Variants in PBRM1 observed in about 807,000 individuals in gnomAD.
The protein encoded by PBRM1 is polybromo 1.
Under a neutral mutation model 194.5 loss-of-function variants are expected in PBRM1, and 27 were observed. The ratio of observed to expected loss-of-function variants is 0.14; its 90% CI spans 0.10 to 0.19. The LOEUF (loss-of-function observed/expected upper bound fraction) is 0.19, where lower values mean the gene tolerates loss of function less well. PBRM1 is among the 10% of genes least tolerant of loss of function. PBRM1 has a pLI of 1.00. For missense variants in PBRM1, 1,466 were observed against 2,077.2 expected, an observed-to-expected ratio of 0.71 and a Z score of 5.72; for synonymous variants, 655 against 693.2, an observed-to-expected ratio of 0.94 and a Z score of 0.87.
At chr3:52,595,451 T>C (rs182334462) in intron 17 of PBRM1, among the ~76,000 whole-genome samples, 19 of 152,362 alleles carry the variant, frequency 1.2e-4, no homozygotes, top group Non-Finnish European at 2.4e-4. Context: ...CACCTTTTCA[T>C]ATACCTGTCT....
chr3:52,550,705 C>T (rs537376920), intron 28 of PBRM1, 42 bp downstream of exon 30: 45 of 1,586,982 alleles, frequency 2.8e-5, no homozygotes, highest in Admixed American at 1.0e-4. Flanking sequence ...AAGGATAACT[C>T]GAATTCTGTC....
chr3:52,675,872 TTGGGAGGCCGAGGCGGGCGGATC>T (rs1210405894), intron 2 of PBRM1, among the ~76,000 whole-genome samples: 2 of 45,842 alleles, frequency 4.4e-5, no homozygotes, highest in African/African-American at 1.1e-4. Flanking sequence ...TCCCAGCACT[TTGGGAGGCCGAGGCGGGCGGATC>T]ACGAGGTCAG....
chr3:52,549,942 G>T lies in PBRM1; in HGVS notation c.4897+479C>A, dbSNP rs188706183. On this transcript the variant is annotated intron_variant, in intron 29 of 29. Transcript: ENST00000296302. ...AACCCAAAAACCATTTTCAGGCCAG[G>T]CACAGTGGCTCACGCCTGTAATCCC... Among the ~76,000 whole-genome samples, 13 of 151,232 alleles carry T rather than the reference G, an allele frequency of 8.6e-5. No homozygotes were observed. The East Asian group carries it at 2.3e-3, about 27-fold the overall frequency.
intron 17 of PBRM1, among the ~76,000 whole-genome samples, chr3:52,596,924 G>A (rs1352664463): frequency 6.6e-6 from 1 of 152,064 alleles, no homozygotes; most frequent in Non-Finnish European, 1.5e-5. Context: ...AGTCCTTGTG[G>A]CCTACACTTC....
chr3:52,662,397 G>C (rs2096742213), intron 3 of PBRM1, 121 bp from the exon 5 acceptor site: 2 of 742,532 alleles, frequency 2.7e-6, no homozygotes, highest in Non-Finnish European at 4.3e-6. Context: ...ACATCCTCAT[G>C]ATTAAAACAT....
At chr3:52,640,025 T>C (rs2096009778) in intron 10 of PBRM1, among the ~76,000 whole-genome samples, 1 of 152,192 alleles carries the variant, frequency 6.6e-6, no homozygotes, top group Admixed American at 6.5e-5. Context: ...GTGTTTTGAA[T>C]TTCTCTGTAA....
chr3:52,652,338 C>T (rs1015407233), intron 5 of PBRM1, among the ~76,000 whole-genome samples: 3 of 147,810 alleles, frequency 2.0e-5, no homozygotes, highest in African/African-American at 5.0e-5. Context: ...GAGCTGAGAT[C>T]GTGCCATTAT....
At chr3:52,604,472 G>GGGA (rs1338124369) in intron 16 of PBRM1, among the ~76,000 whole-genome samples, 1 of 152,168 alleles carries the variant, frequency 6.6e-6, no homozygotes, top group Non-Finnish European at 1.5e-5. Flanking sequence ...AGGCCGAGGC[G>GGGA]GGAGGACTGC....
chr3:52,632,107 CCT>C (rs1310816291), intron 11 of PBRM1, among the ~76,000 whole-genome samples: 3 of 152,160 alleles, frequency 2.0e-5, no homozygotes, highest in African/African-American at 4.8e-5. Context: ...TTTACAAATA[CCT>C]CTTTGAGACC....
chr3:52,685,542 G>A (rs1274666083), intron 1 of PBRM1: 1 of 151,700 alleles, frequency 6.6e-6, no homozygotes, highest in Non-Finnish European at 1.5e-5. Context: ...GTGCGCCTTT[G>A]TCCCTGCCGG....
At chr3:52,654,946 G>A (rs2096580114) in intron 5 of PBRM1, among the ~76,000 whole-genome samples, 1 of 152,000 alleles carries the variant, frequency 6.6e-6, no homozygotes, top group South Asian at 2.1e-4. Flanking sequence ...ACACCACCAT[G>A]ACTAGCTAAT....
intron 15 of PBRM1, among the ~76,000 whole-genome samples, chr3:52,613,594 T>C (rs1270241451): frequency 6.6e-6 from 1 of 152,070 alleles, no homozygotes; most frequent in Non-Finnish European, 1.5e-5. Flanking sequence ...TCCTCCTGCC[T>C]TGGCCTCCGA....
chr3:52,619,492 C>T lies in PBRM1; in HGVS notation c.1542-1954G>A, dbSNP rs72965185. Among the ~76,000 whole-genome samples, 1,248 of 152,200 alleles carry T rather than the reference C, an allele frequency of 8.2e-3. 24 individuals carry two copies. Among genetic ancestry groups the T allele is most frequent in the African/African-American group, 0.029 (1,191 of 41,516 alleles). On this transcript the variant is annotated intron_variant, in intron 13 of 29. Coordinates refer to ENST00000296302, the Ensembl canonical transcript of PBRM1. ...AGTCTGTACATGTACAGTAAAGATGCAATTAAAAAATTTTTTTTTCTATCC... is the reference window on the plus strand; with the variant it reads ...AGTCTGTACATGTACAGTAAAGATGTAATTAAAAAATTTTTTTTTCTATCC...
At chr3:52,669,462 G>C (rs868715264) in intron 2 of PBRM1, among the ~76,000 whole-genome samples, 1 of 151,964 alleles carries the variant, frequency 6.6e-6, no homozygotes, top group South Asian at 2.1e-4. Context: ...TGGATGTTTA[G>C]TATTTTTTCT....
At chr3:52,650,361 CAA>C (rs776692798) in intron 6 of PBRM1, among the ~76,000 whole-genome samples, 19 of 35,618 alleles carry the variant, frequency 5.3e-4, no homozygotes, top group Non-Finnish European at 1.0e-3. Flanking sequence ...AAGACTGTCT[CAA>C]AAAAAAAAAA....
rs566354216 is a variant in PBRM1 at position 52,579,549 on chromosome 3, G to A, written c.3388-350C>T. Among the ~76,000 whole-genome samples, 6 of 152,208 alleles carry A rather than the reference G, an allele frequency of 3.9e-5. No homozygotes were observed. The East Asian group carries it at 9.7e-4, about 24-fold the overall frequency. On this transcript the variant is annotated intron_variant, in intron 20 of 29. Transcript: ENST00000296302. ...GGAGGTCGAGGCTACAGTGAGCTAG[G>A]ATCACGCCATTGTACTCCAGCCTGG...
intron 6 of PBRM1, among the ~76,000 whole-genome samples, chr3:52,650,046 A>C (rs2096445285): frequency 6.6e-6 from 1 of 152,080 alleles, no homozygotes; most frequent in African/African-American, 2.4e-5. Context: ...CATTCTCAGT[A>C]ACAGTTATTG....
At chr3:52,553,109 C>G (rs1318496202) in intron 27 of PBRM1, among the ~76,000 whole-genome samples, 1 of 152,202 alleles carries the variant, frequency 6.6e-6, no homozygotes, top group East Asian at 1.9e-4. Flanking sequence ...ACTGGTAGGT[C>G]CAACACTGGT....
At chr3:52,557,337 G>A (rs982021030) in intron 26 of PBRM1, among the ~76,000 whole-genome samples, 2 of 152,120 alleles carry the variant, frequency 1.3e-5, no homozygotes, top group Non-Finnish European at 2.9e-5. Context: ...AAGCAAAAAC[G>A]AAACAGCAAA....
Sources: gnomAD v4.1 joint callset for allele counts (sites outside exome capture counted in the v4.1 genomes callset) on GRCh38, gnomAD v4.1.1 for gene constraint, MANE v1.5 for transcripts, NCBI Gene and HGNC (gene_info 2026-07-23, HGNC 2026-07-21) for gene names.